HAPLN1: variants seen among roughly 807,000 people sequenced by gnomAD.
The protein encoded by HAPLN1 is hyaluronan and proteoglycan link protein 1.
In HAPLN1, 13 loss-of-function variants were observed where a neutral mutation model predicts 36.5. The ratio of observed to expected loss-of-function variants is 0.36; its 90% CI spans 0.23 to 0.57. HAPLN1 has a LOEUF of 0.57. Among genes scored for constraint, HAPLN1 ranks in the 20% least tolerant of loss-of-function variants. The pLI, the probability that HAPLN1 is intolerant of heterozygous loss-of-function variation, is 0.83. For synonymous variants in HAPLN1, 202 were observed against 169.8 expected (o/e 1.19, Z -1.48); for missense variants, 407 against 439.7 (o/e 0.93, Z 0.66).
intron 1 of HAPLN1, among the ~76,000 whole-genome samples, chr5:83,714,357 G>T (rs1751867792): frequency 6.6e-6 from 1 of 151,880 alleles, no homozygotes; most frequent in African/African-American, 2.4e-5. Flanking sequence ...ATCTAATGGG[G>T]TATAATAAAA....
At chr5:83,661,435 C>CTT (rs56005008) in intron 2 of HAPLN1, among the ~76,000 whole-genome samples, 9,208 of 63,026 alleles carry the variant, frequency 0.15, 2,331 homozygotes, top group Non-Finnish European at 0.18. Context: ...AGAAAAGCTT[C>CTT]TTTTTTTTTT....
At chr5:83,670,726 G>GAGA (rs1750688634) in intron 2 of HAPLN1, among the ~76,000 whole-genome samples, 1 of 150,180 alleles carries the variant, frequency 6.7e-6, no homozygotes, top group Non-Finnish European at 1.5e-5. Context: ...ATGGAGTCTC[G>GAGA]CTCTGTTGCC....
chr5:83,704,147 C>G (rs1377068627), intron 1 of HAPLN1, among the ~76,000 whole-genome samples: 1 of 151,624 alleles, frequency 6.6e-6, no homozygotes, highest in Non-Finnish European at 1.5e-5. Flanking sequence ...ATTTTATGTC[C>G]AGCTGAACTA....
chr5:83,687,433 G>T (rs1187757403), intron 1 of HAPLN1, among the ~76,000 whole-genome samples: 1 of 152,138 alleles, frequency 6.6e-6, no homozygotes, highest in Non-Finnish European at 1.5e-5. Flanking sequence ...CTACTTGCTG[G>T]CATCATGTTC....
chr5:83,713,766 C>T (rs1194905177), intron 1 of HAPLN1, among the ~76,000 whole-genome samples: 1 of 152,158 alleles, frequency 6.6e-6, no homozygotes, highest in African/African-American at 2.4e-5. Flanking sequence ...ATCCTTAAAA[C>T]AGTCACACTA....
intron 1 of HAPLN1, among the ~76,000 whole-genome samples, chr5:83,693,295 A>G (rs1418191960): frequency 6.6e-6 from 1 of 151,908 alleles, no homozygotes; most frequent in African/African-American, 2.4e-5. Flanking sequence ...GGTATATACT[A>G]TAAAACCTAA....
chr5:83,661,665 C>T (rs891689688), intron 2 of HAPLN1, among the ~76,000 whole-genome samples: 3 of 151,918 alleles, frequency 2.0e-5, no homozygotes, highest in Non-Finnish European at 4.4e-5. Flanking sequence ...GGGATGGTCT[C>T]GATCCCTGAC....
chr5:83,668,959 C>T (rs909892604), intron 2 of HAPLN1, among the ~76,000 whole-genome samples: 2 of 152,172 alleles, frequency 1.3e-5, no homozygotes, highest in African/African-American at 2.4e-5. Context: ...TACTTACAGA[C>T]ATAAACTTCT....
rs1158926326 is a variant in HAPLN1 at position 83,638,560 on chromosome 5, A to G, written c.*2936T>C. On this transcript the variant is annotated 3_prime_UTR_variant, in exon 5 of 5. Transcript: ENST00000274341. ...TGGTCAGCTACTCCATGAGACCACC[A>G]TATTCTTTGGAGTACTAAAATCAAG... The G allele has an allele frequency of 1.3e-5, 2 of 152,066 alleles. No homozygotes were observed. The highest frequency in any genetic ancestry group is 2.9e-5 in the Non-Finnish European group (2 of 67,942). 9.4% of individuals were successfully genotyped at this position (152,066 alleles called of 1,614,324 possible). A position where few individuals can be genotyped will look rare whatever the true frequency, so the allele number is the denominator to read the frequency against.
At chr5:83,718,467 G>A (rs543725526) in intron 1 of HAPLN1, among the ~76,000 whole-genome samples, 103 of 152,268 alleles carry the variant, frequency 6.8e-4, no homozygotes, top group Middle Eastern at 3.4e-3. Flanking sequence ...ATAAAGAGAT[G>A]CATTATTAAT....
chr5:83,650,617 G>GA (rs1161907399), intron 3 of HAPLN1, among the ~76,000 whole-genome samples: 2 of 146,314 alleles, frequency 1.4e-5, no homozygotes, highest in Non-Finnish European at 3.0e-5. Context: ...GAGCCTAGGA[G>GA]AAAAAAATTC....
intron 4 of HAPLN1, among the ~76,000 whole-genome samples, chr5:83,643,265 T>C (rs1282976915): frequency 6.6e-6 from 1 of 151,340 alleles, no homozygotes; most frequent in Non-Finnish European, 1.5e-5. Flanking sequence ...GGAGAGTCAT[T>C]TGGGAACCAG....
chr5:83,688,949 A>G (rs563076276), intron 1 of HAPLN1, among the ~76,000 whole-genome samples: 2 of 152,208 alleles, frequency 1.3e-5, no homozygotes, highest in South Asian at 4.1e-4. Flanking sequence ...GCTGAGCAGA[A>G]CCTTGGGAAC....
intron 2 of HAPLN1, among the ~76,000 whole-genome samples, chr5:83,659,996 TCCCAAC>T (rs1750337139): frequency 1.3e-5 from 2 of 152,008 alleles, no homozygotes; most frequent in African/African-American, 4.8e-5. Context: ...CCAGCCCACT[TCCCAAC>T]CCTGCCAGGG....
intron 2 of HAPLN1, among the ~76,000 whole-genome samples, chr5:83,668,716 T>C (rs113866871): frequency 5.3e-5 from 8 of 152,322 alleles, no homozygotes; most frequent in African/African-American, 1.9e-4. Context: ...TCAACAAACA[T>C]ACATTGAGCA....
chr5:83,663,155 T>C (rs953156207), intron 2 of HAPLN1, among the ~76,000 whole-genome samples: 5 of 152,184 alleles, frequency 3.3e-5, no homozygotes, highest in African/African-American at 1.2e-4. Context: ...CAGGCCCCGT[T>C]CTAAACAGTC....
At chr5:83,664,353 G>A (rs1013774096) in intron 2 of HAPLN1, among the ~76,000 whole-genome samples, 2 of 151,930 alleles carry the variant, frequency 1.3e-5, no homozygotes, top group African/African-American at 2.4e-5. Flanking sequence ...TGCCCCCTCA[G>A]TGCTCTCTCA....
Position 83,644,663 on chromosome 5 carries a change from C to T in HAPLN1, c.475G>A (p.Val159Met), listed in dbSNP as rs1749804012. The change falls in exon 4 of 5, where the codon GTG becomes ATG. Residue 159 changes from valine to methionine, a missense_variant and splice_region_variant. By Grantham distance (21) the Val-to-Met change is conservative. Transcript: ENST00000274341. ...AGTCGTGGAAAGTAAGGGAATACCA[C>T]ACCTGTCCAAAGGAGAAAGCAAGGA... is the stretch of plus-strand genomic sequence containing the variant. Reference protein sequence around the residue: ...TVVVALDLQGVVFPYFPRLGR... With the variant: ...TVVVALDLQGMVFPYFPRLGR... 6.9e-7 allele frequency: 1 copy of T among 1,449,000 alleles called. No individual in the cohort carries two copies. Among genetic ancestry groups the T allele is most frequent in the Non-Finnish European group, 9.1e-7 (1 of 1,096,078 alleles). The allele number at this position is 1,449,000 out of a possible 1,614,324, so 89.8% of individuals were successfully genotyped here.
intron 3 of HAPLN1, among the ~76,000 whole-genome samples, chr5:83,646,925 A>C (rs189279878): frequency 6.6e-6 from 1 of 152,252 alleles, no homozygotes; most frequent in Non-Finnish European, 1.5e-5. Flanking sequence ...AGAAAATCTC[A>C]AAGTATCTCA....
Sources: allele counts gnomAD v4.1 joint callset (sites outside exome capture counted in the v4.1 genomes callset), GRCh38; gene constraint gnomAD v4.1.1; transcripts MANE v1.5; gene names NCBI Gene and HGNC (gene_info 2026-07-23, HGNC 2026-07-21).